The following CADM2 variants were observed in gnomAD, a reference collection of about 807,000 sequenced individuals.
The protein encoded by CADM2 is immunoglobulin superfamily member 4D.
In CADM2, 12 loss-of-function variants were observed where a neutral mutation model predicts 49.8. The observed-to-expected ratio is 0.24, with a 90% CI of 0.15 to 0.39. CADM2 has a LOEUF of 0.39. CADM2 is among the 10% of genes least tolerant of loss of function. The probability of loss-of-function intolerance (pLI) is 1.00; values close to 1 mark genes in which losing one functional copy is unlikely to be tolerated. For synonymous variants in CADM2, 214 were observed against 175.4 expected (o/e 1.22, Z -1.74); for missense variants, 378 against 492.3 (o/e 0.77, Z 2.20).
chr3:85,763,363 T>C (rs1325438328), intron 2 of CADM2, among the ~76,000 whole-genome samples: 1 of 152,218 alleles, frequency 6.6e-6, no homozygotes, highest in African/African-American at 2.4e-5. Context: ...TGATTTATTT[T>C]ATTTCACTGT....
chr3:85,833,332 G>A (rs896218330), intron 3 of CADM2, among the ~76,000 whole-genome samples: 1 of 151,480 alleles, frequency 6.6e-6, no homozygotes, highest in Non-Finnish European at 1.5e-5. Context: ...TGGCATCAGG[G>A]TGATGCTGGC....
chr3:85,671,454 C>T (rs559990770), intron 1 of CADM2, among the ~76,000 whole-genome samples: 148 of 152,320 alleles, frequency 9.7e-4, no homozygotes, highest in Non-Finnish European at 1.7e-3. Flanking sequence ...ACCACTCTTT[C>T]ATTTCCAGTG....
intron 1 of CADM2, among the ~76,000 whole-genome samples, chr3:85,191,787 T>C (rs766635162): frequency 6.6e-6 from 1 of 152,140 alleles, no homozygotes; most frequent in Non-Finnish European, 1.5e-5. Flanking sequence ...TCTAATTTGT[T>C]CAAATACCAG....
At chr3:85,167,872 CTTGGG>C (rs760827077) in intron 1 of CADM2, among the ~76,000 whole-genome samples, 7 of 152,016 alleles carry the variant, frequency 4.6e-5, no homozygotes, top group Non-Finnish European at 1.0e-4. Context: ...CTACACATTC[CTTGGG>C]CTTTCTTCAT....
intron 1 of CADM2, among the ~76,000 whole-genome samples, chr3:85,687,963 C>T (rs2066265681): frequency 6.6e-6 from 1 of 152,184 alleles, no homozygotes; most frequent in African/African-American, 2.4e-5. Context: ...CTATTGTGAA[C>T]TGCGCATTCC....
intron 1 of CADM2, among the ~76,000 whole-genome samples, chr3:85,182,240 C>T (rs571925702): frequency 1.9e-3 from 289 of 152,124 alleles, no homozygotes; most frequent in Middle Eastern, 3.4e-3. Flanking sequence ...TAATCCCTCT[C>T]ATCTTCAGTG....
At chr3:85,282,143 A>G (rs1369319841) in intron 1 of CADM2, among the ~76,000 whole-genome samples, 1 of 151,880 alleles carries the variant, frequency 6.6e-6, no homozygotes, top group Non-Finnish European at 1.5e-5. Flanking sequence ...AATTTTTACT[A>G]CAAAATATTG....
At chr3:85,084,491 G>C (rs577920060) in intron 1 of CADM2, among the ~76,000 whole-genome samples, 1 of 152,082 alleles carries the variant, frequency 6.6e-6, no homozygotes, top group African/African-American at 2.4e-5. Flanking sequence ...CTCCAATATA[G>C]AGTAGCCACT....
At position 85,779,449 on chromosome 3, in the gene CADM2, A is replaced by C. The variant is rs192481738; in HGVS notation, c.89-22598A>C. 1.6e-3 allele frequency among the ~76,000 whole-genome samples: 243 copies of C among 152,278 alleles called. 2 individuals carry two copies. Among genetic ancestry groups the C allele is most frequent in the Admixed American group, 2.0e-3 (30 of 15,292 alleles). ...AGGTTTAATTGACTCACAGTTCAGC[A>C]TGGTCGGGAGGCCTCAGGAAACTTA... On this transcript the variant is annotated intron_variant, in intron 2 of 9. Transcript: ENST00000383699.
At chr3:85,543,348 A>G (rs2326317) in intron 1 of CADM2, among the ~76,000 whole-genome samples, 76,466 of 149,476 alleles carry the variant, frequency 0.51, 22,612 homozygotes, top group East Asian at 0.85. Flanking sequence ...TCCGCCTCCC[A>G]GGCTCAAGCG....
intron 1 of CADM2, among the ~76,000 whole-genome samples, chr3:85,346,872 T>C (rs1306653147): frequency 6.6e-6 from 1 of 152,198 alleles, no homozygotes; most frequent in Admixed American, 6.5e-5. Flanking sequence ...TCACACTGTT[T>C]ATACTGCGTA....
At position 85,211,301 on chromosome 3, in the gene CADM2, C is replaced by T. The variant is rs138013155; in HGVS notation, c.61+251633C>T. 1.5e-3 allele frequency among the ~76,000 whole-genome samples: 234 copies of T among 151,988 alleles called. 1 individual carries two copies. Among genetic ancestry groups the T allele is most frequent in the African/African-American group, 5.2e-3 (214 of 41,468 alleles). On this transcript the variant is annotated intron_variant, in intron 1 of 9. Transcript: ENST00000383699. Reference sequence around the variant, plus strand: ...TTCATTCCAATTTCATTTATTACTGCTCTGATCTATTTTACTTCATTTCTT... The same window carrying T: ...TTCATTCCAATTTCATTTATTACTGTTCTGATCTATTTTACTTCATTTCTT...
chr3:85,976,615 CA>C (rs1489279451), intron 8 of CADM2, among the ~76,000 whole-genome samples: 1 of 151,436 alleles, frequency 6.6e-6, no homozygotes, highest in East Asian at 1.9e-4. Context: ...ACACATAGAA[CA>C]AAATGAAGCT....
At chr3:86,028,693 A>G (rs1734213123) in intron 8 of CADM2, among the ~76,000 whole-genome samples, 1 of 152,108 alleles carries the variant, frequency 6.6e-6, no homozygotes, top group Admixed American at 6.6e-5. Flanking sequence ...CAACTGCTTT[A>G]AAGGAAAGGC....
intron 6 of CADM2, among the ~76,000 whole-genome samples, chr3:85,935,096 C>G (rs75586504): frequency 0.033 from 5,078 of 152,040 alleles, 288 homozygotes; most frequent in African/African-American, 0.12. Context: ...TTGAAGTATT[C>G]TTTAATTCTC....
chr3:84,990,463 G>A (rs548633589), intron 1 of CADM2, among the ~76,000 whole-genome samples: 1 of 151,586 alleles, frequency 6.6e-6, no homozygotes, highest in South Asian at 2.1e-4. Context: ...GTAGTTTAAA[G>A]GTTTCTTTCC....
intron 1 of CADM2, among the ~76,000 whole-genome samples, chr3:85,614,927 A>G (rs1016182231): frequency 6.6e-6 from 1 of 151,944 alleles, no homozygotes; most frequent in Non-Finnish European, 1.5e-5. Context: ...TAAATGTTAA[A>G]ATAACTAATT....
At chr3:85,325,881 A>G (rs563535073) in intron 1 of CADM2, among the ~76,000 whole-genome samples, 1 of 152,184 alleles carries the variant, frequency 6.6e-6, no homozygotes, top group African/African-American at 2.4e-5. Context: ...AAATTCTTAT[A>G]TAAAAGAAAC....
intron 1 of CADM2, among the ~76,000 whole-genome samples, chr3:85,366,702 A>C (rs1266389796): frequency 6.6e-6 from 1 of 152,172 alleles, no homozygotes; most frequent in Non-Finnish European, 1.5e-5. Context: ...CTGTTTTTTA[A>C]GAAACAATTT....
Sources: allele counts gnomAD v4.1 joint callset (sites outside exome capture counted in the v4.1 genomes callset), GRCh38; gene constraint gnomAD v4.1.1; transcripts MANE v1.5; gene names NCBI Gene and HGNC (gene_info 2026-07-23, HGNC 2026-07-21).